TNRC6A: variants seen among roughly 807,000 people sequenced by gnomAD.
The protein encoded by TNRC6A is trinucleotide repeat-containing gene 6A protein.
In TNRC6A, 44 loss-of-function variants were observed where a neutral mutation model predicts 221.2. The observed-to-expected ratio is 0.20, with a 90% CI of 0.16 to 0.26. TNRC6A has a LOEUF of 0.26. Among genes scored for constraint, TNRC6A ranks in the 10% least tolerant of loss-of-function variants. TNRC6A has a pLI of 1.00. For missense variants in TNRC6A, 2,199 were observed against 2,404.4 expected, an observed-to-expected ratio of 0.91 and a Z score of 1.79; for synonymous variants, 847 against 838.5, an observed-to-expected ratio of 1.01 and a Z score of -0.18.
intron 8 of TNRC6A, 54 bp from the exon 9 acceptor site, chr16:24,795,853 C>A: frequency 6.7e-7 from 1 of 1,492,472 alleles, no homozygotes; most frequent in Non-Finnish European, 9.0e-7. Context: ...AGTTCCAAAC[C>A]CCATGTTCTT....
At chr16:24,685,132 G>C (rs1266029511) in intron 2 of TNRC6A, among the ~76,000 whole-genome samples, 1 of 152,048 alleles carries the variant, frequency 6.6e-6, no homozygotes, top group East Asian at 1.9e-4. Flanking sequence ...CCATCCACAG[G>C]CTGTGTGATC....
chr16:24,803,904 A>G (rs1041751353), intron 11 of TNRC6A: 1 of 311,604 alleles, frequency 3.2e-6, no homozygotes, highest in Non-Finnish European at 5.8e-6. Flanking sequence ...GTCTAAAATA[A>G]AAAAGAAAAA....
At chr16:24,730,217 T>G in intron 1 of TNRC6A, 36 bp from the exon 2 acceptor site, 2 of 1,570,968 alleles carry the variant, frequency 1.3e-6, no homozygotes, top group Non-Finnish European at 1.7e-6. Flanking sequence ...GTGTGTGTGT[T>G]TTTGTTTTGT....
chr16:24,636,396 G>T (rs1901638338), intron 1 of TNRC6A, among the ~76,000 whole-genome samples: 2 of 148,102 alleles, frequency 1.4e-5, no homozygotes. Context: ...TTTGAGACAG[G>T]ATCTTGCTCT....
In TNRC6A at chr16:24,736,430, T is replaced by A. The variant is rs542353767; in HGVS notation, c.53+6130T>A. Among the ~76,000 whole-genome samples the A allele has an allele frequency of 1.1e-4, 17 of 152,234 alleles. No individual in the cohort carries two copies. The South Asian group carries it at 2.3e-3, about 20-fold the overall frequency. On this transcript the variant is annotated intron_variant, in intron 2 of 24. Transcript: ENST00000395799. Reference sequence around the variant, plus strand: ...TCAGATTTTCCCAATTTTCTCAAAATTTTTTTTAAAGTTGTATTTGTTCTT... The same window carrying A: ...TCAGATTTTCCCAATTTTCTCAAAAATTTTTTTAAAGTTGTATTTGTTCTT...
chr16:24,781,865 C>T (rs1350244046), intron 5 of TNRC6A, among the ~76,000 whole-genome samples: 4 of 151,790 alleles, frequency 2.6e-5, no homozygotes, highest in Admixed American at 2.6e-4. Flanking sequence ...CGCTGTTGCC[C>T]AGGCTGGAGT....
chr16:24,633,433 T>C (rs575402870), intron 1 of TNRC6A, among the ~76,000 whole-genome samples: 1 of 152,258 alleles, frequency 6.6e-6, no homozygotes, highest in South Asian at 2.1e-4. Context: ...CTCACTCTGT[T>C]GCCCAGGCTG....
chr16:24,776,978 A>C lies in TNRC6A; in HGVS notation c.209A>C (p.Asn70Thr). The C allele has an allele frequency of 1.9e-6, 3 of 1,614,004 alleles. No homozygotes were observed. ...AGTGTAAGCCAGCCTCAGCCTGCCAACTCTAATAACGGCACTTCCACAGCA... is the reference window on the plus strand; with the variant it reads ...AGTGTAAGCCAGCCTCAGCCTGCCACCTCTAATAACGGCACTTCCACAGCA... ...KPSVSQPQPANSNNGTSTATS... is the reference protein window; with the variant it reads ...KPSVSQPQPATSNNGTSTATS... Residue 70 changes from asparagine to threonine, a missense_variant, in exon 5 of 25, where the codon AAC becomes ACC. Transcript: ENST00000395799.
chr16:24,699,591 C>A (rs567926696), intron 2 of TNRC6A, among the ~76,000 whole-genome samples: 14 of 151,972 alleles, frequency 9.2e-5, no homozygotes, highest in African/African-American at 3.4e-4. Flanking sequence ...TGGTGGCGTG[C>A]ACCTGTCATC....
Position 24,791,429 on chromosome 16 carries a change from T to C in TNRC6A, c.2787T>C (p.Asn929=). 1.3e-6 allele frequency: 2 copies of C among 1,548,178 alleles called. No individual in the cohort carries two copies. The highest frequency in any genetic ancestry group is 1.7e-6 in the Non-Finnish European group (2 of 1,149,862). ...SQGWGDPPKS[N]QSLGWGDSSK... The stretch of plus-strand genomic sequence containing the variant: ...GATGGGGAGACCCTCCAAAGTCTAA[T>C]CAGTCTCTAGGTTGGGGAGATTCGT... The change falls in exon 6 of 25, where the codon AAT becomes AAC. Residue 929 remains asparagine, a synonymous_variant. Transcript: ENST00000395799.
chr16:24,793,437 C>T, intron 6 of TNRC6A, 36 bp from the exon 7 acceptor site: 2 of 1,360,952 alleles, frequency 1.5e-6, no homozygotes, highest in Non-Finnish European at 1.9e-6. Flanking sequence ...TCCTTACCTT[C>T]TATGCTGATG....
chr16:24,822,773 A>C (rs2152118865), intron 23 of TNRC6A, 101 bp from the exon 24 acceptor site: 1 of 1,489,992 alleles, frequency 6.7e-7, no homozygotes, highest in East Asian at 2.3e-5. Flanking sequence ...AGGAGCACAG[A>C]GCCTCAGGAA....
intron 2 of TNRC6A, among the ~76,000 whole-genome samples, chr16:24,736,176 A>G (rs2056762979): frequency 6.6e-6 from 1 of 152,244 alleles, no homozygotes; most frequent in Non-Finnish European, 1.5e-5. Flanking sequence ...TCTCAAATAA[A>G]TAATCAATCA....
chr16:24,627,413 G>A (rs1901077406), intron 1 of TNRC6A, among the ~76,000 whole-genome samples: 1 of 152,084 alleles, frequency 6.6e-6, no homozygotes, highest in Admixed American at 6.6e-5. Flanking sequence ...TCATCCTGGA[G>A]CTACCAGGCA....
intron 3 of TNRC6A, 65 bp from the exon 4 acceptor site, chr16:24,758,274 C>A: frequency 6.7e-7 from 1 of 1,484,514 alleles, no homozygotes; most frequent in South Asian, 1.1e-5. Flanking sequence ...AACATTTTAT[C>A]ATAACAGTCC....
rs191691518 is a variant in TNRC6A at position 24,779,995 on chromosome 16, A to G, written c.589+2637A>G. Among the ~76,000 whole-genome samples the G allele has an allele frequency of 6.3e-4, 96 of 152,234 alleles. 1 individual carries two copies. The East Asian group carries it at 0.013, about 21-fold the overall frequency. On this transcript the variant is annotated intron_variant, in intron 5 of 24. Transcript: ENST00000395799. Reference sequence around the variant, plus strand: ...TTGAGACTTGAGACCTCTTTTTTGCAGTTGACCACTTAGACCCCAAAGAGG... The same window carrying G: ...TTGAGACTTGAGACCTCTTTTTTGCGGTTGACCACTTAGACCCCAAAGAGG...
chr16:24,787,071 G>A (rs2057989272), intron 5 of TNRC6A, among the ~76,000 whole-genome samples: 1 of 152,158 alleles, frequency 6.6e-6, no homozygotes, highest in African/African-American at 2.4e-5. Context: ...ATGGTAGAGT[G>A]CCTCTTAAAC....
At chr16:24,812,023 T>C (rs888107597) in intron 18 of TNRC6A, among the ~76,000 whole-genome samples, 45 of 7,700 alleles carry the variant, frequency 5.8e-3, no homozygotes, top group African/African-American at 0.028. Flanking sequence ...TTTGGGATTT[T>C]TTTTTTTTTT....
chr16:24,685,042 G>A (rs1366980686), intron 2 of TNRC6A, among the ~76,000 whole-genome samples: 1 of 152,076 alleles, frequency 6.6e-6, no homozygotes, highest in Non-Finnish European at 1.5e-5. Flanking sequence ...CCTTCTTGCA[G>A]TTCTTCCAAG....
Sources: gnomAD v4.1 joint callset for allele counts (sites outside exome capture counted in the v4.1 genomes callset) on GRCh38, gnomAD v4.1.1 for gene constraint, MANE v1.5 for transcripts, NCBI Gene and HGNC (gene_info 2026-07-23, HGNC 2026-07-21) for gene names.